Variants in EPHA5 observed in about 807,000 individuals in gnomAD.
EPHA5 encodes EPH receptor A5, also known as ephrin type-A receptor 5.
A neutral mutation model predicts 105.0 loss-of-function variants in EPHA5; 60 were observed. That is an observed-to-expected ratio of 0.57 (90% confidence interval 0.46 to 0.71). EPHA5 has a LOEUF of 0.71. EPHA5 is among the 30% of genes least tolerant of loss of function. The pLI is 0.00. For synonymous variants in EPHA5, 513 were observed against 449.1 expected (o/e 1.14, Z -1.80); for missense variants, 1,218 against 1,274.7 (o/e 0.96, Z 0.68).
chr4:65,371,050 G>A (rs1718416578), intron 8 of EPHA5, among the ~76,000 whole-genome samples: 1 of 151,996 alleles, frequency 6.6e-6, no homozygotes, highest in South Asian at 2.1e-4. Context: ...ATGTCATTCT[G>A]TATGTAAATT....
intron 8 of EPHA5, among the ~76,000 whole-genome samples, chr4:65,397,451 C>T (rs977077566): frequency 2.0e-5 from 3 of 152,116 alleles, no homozygotes; most frequent in African/African-American, 7.2e-5. Flanking sequence ...TCAAGGACTC[C>T]TTAATCCTGA....
At chr4:65,348,748 C>T (rs1283297860) in intron 13 of EPHA5, among the ~76,000 whole-genome samples, 74 of 73,046 alleles carry the variant, frequency 1.0e-3, no homozygotes, top group South Asian at 1.5e-3. Flanking sequence ...TATGTGTGTG[C>T]ATATATATAT....
intron 1 of EPHA5, among the ~76,000 whole-genome samples, chr4:65,664,442 A>T (rs962235285): frequency 2.0e-5 from 3 of 151,916 alleles, no homozygotes; most frequent in African/African-American, 7.2e-5. Flanking sequence ...ACCCATTTTA[A>T]TCTGTGTTTA....
chr4:65,390,742 C>T (rs1720631992), intron 8 of EPHA5, among the ~76,000 whole-genome samples: 1 of 151,852 alleles, frequency 6.6e-6, no homozygotes, highest in Non-Finnish European at 1.5e-5. Context: ...ATAACGATGG[C>T]TAAAACACAG....
At chr4:65,606,850 T>G (rs1366000330) in intron 2 of EPHA5, among the ~76,000 whole-genome samples, 1 of 152,138 alleles carries the variant, frequency 6.6e-6, no homozygotes, top group East Asian at 1.9e-4. Flanking sequence ...TTTGCAGAAT[T>G]ACATAAAAAT....
intron 5 of EPHA5, among the ~76,000 whole-genome samples, chr4:65,460,009 C>G (rs28533353): frequency 0.25 from 38,132 of 151,334 alleles, 5,239 homozygotes; most frequent in Middle Eastern, 0.35. Context: ...AATAATCTAC[C>G]CTTAATATTA....
At chr4:65,608,893 G>C (rs997927616) in intron 2 of EPHA5, among the ~76,000 whole-genome samples, 3 of 151,894 alleles carry the variant, frequency 2.0e-5, no homozygotes, top group Admixed American at 1.3e-4. Context: ...TCTTTTTTAG[G>C]GGTTAAAATT....
chr4:65,615,857 A>T (rs190659160), intron 2 of EPHA5, among the ~76,000 whole-genome samples: 1 of 152,068 alleles, frequency 6.6e-6, no homozygotes, highest in African/African-American at 2.4e-5. Flanking sequence ...AAAATGGTAC[A>T]GGCACATGGA....
chr4:65,659,363 A>T (rs1220819756), intron 1 of EPHA5, among the ~76,000 whole-genome samples: 2 of 147,858 alleles, frequency 1.4e-5, no homozygotes, highest in African/African-American at 2.5e-5. Flanking sequence ...AAAAAACAGG[A>T]AAGGTAAAGC....
intron 3 of EPHA5, among the ~76,000 whole-genome samples, chr4:65,520,475 T>A (rs1734580016): frequency 6.6e-6 from 1 of 152,140 alleles, no homozygotes; most frequent in Admixed American, 6.6e-5. Flanking sequence ...GGGCAAGGAC[T>A]TCATGTCTAA....
At chr4:65,598,806 G>A (rs1289117015) in intron 3 of EPHA5, among the ~76,000 whole-genome samples, 1 of 152,008 alleles carries the variant, frequency 6.6e-6, no homozygotes, top group East Asian at 1.9e-4. Context: ...AGCAAATTGA[G>A]AAACTGAAAA....
intron 3 of EPHA5, among the ~76,000 whole-genome samples, chr4:65,542,829 A>G (rs1209260739): frequency 6.6e-6 from 1 of 152,070 alleles, no homozygotes; most frequent in African/African-American, 2.4e-5. Flanking sequence ...CCTCAATAAA[A>G]TACTGGCAAA....
chr4:65,384,850 C>T (rs1393601786), intron 8 of EPHA5, among the ~76,000 whole-genome samples: 1 of 151,804 alleles, frequency 6.6e-6, no homozygotes, highest in Non-Finnish European at 1.5e-5. Flanking sequence ...ATGTTTCTTA[C>T]TCCTGCAGAA....
chr4:65,572,757 G>T (rs1164820866), intron 3 of EPHA5, among the ~76,000 whole-genome samples: 1 of 152,170 alleles, frequency 6.6e-6, no homozygotes, highest in East Asian at 1.9e-4. Flanking sequence ...CAAGCTGGGC[G>T]TGGTGGCTCA....
chr4:65,328,107 A>G (rs1349803174), intron 16 of EPHA5, among the ~76,000 whole-genome samples: 1 of 151,200 alleles, frequency 6.6e-6, no homozygotes, highest in Non-Finnish European at 1.5e-5. Context: ...CACAAATTTT[A>G]TCATGATCAT....
At chr4:65,348,700 A>AGTGTGTGT (rs1560437989) in intron 13 of EPHA5, among the ~76,000 whole-genome samples, 7 of 20,324 alleles carry the variant, frequency 3.4e-4, no homozygotes, top group African/African-American at 8.8e-4. Context: ...ATATATATAA[A>AGTGTGTGT]ATATATATGT....
chr4:65,472,710 A>G (rs1176580533), intron 5 of EPHA5, among the ~76,000 whole-genome samples: 3 of 152,166 alleles, frequency 2.0e-5, no homozygotes, highest in Admixed American at 1.3e-4. Context: ...ACAGTTGCAC[A>G]GAGCAGGGGC....
At chr4:65,634,333 T>C (rs1301093399) in intron 2 of EPHA5, among the ~76,000 whole-genome samples, 2 of 152,144 alleles carry the variant, frequency 1.3e-5, no homozygotes, top group Non-Finnish European at 2.9e-5. Flanking sequence ...ATCTCAATCG[T>C]ACTATGCAGG....
chr4:65,635,097 A>C (rs1746999936), intron 2 of EPHA5, among the ~76,000 whole-genome samples: 2 of 152,106 alleles, frequency 1.3e-5, no homozygotes, highest in Non-Finnish European at 2.9e-5. Context: ...TTCACAGTCC[A>C]TTTTGAGTAA....
Sources: gnomAD v4.1 joint callset for allele counts (sites outside exome capture counted in the v4.1 genomes callset) on GRCh38, gnomAD v4.1.1 for gene constraint, MANE v1.5 for transcripts, NCBI Gene and HGNC (gene_info 2026-07-23, HGNC 2026-07-21) for gene names.